Variants in PCDHGA12 observed in about 807,000 individuals in gnomAD.
PCDHGA12 encodes the protein protocadherin gamma subfamily A, 12.
A neutral mutation model predicts 61.1 loss-of-function variants in PCDHGA12; 43 were observed. The ratio of observed to expected loss-of-function variants is 0.70; its 90% confidence interval spans 0.55 to 0.91. The LOEUF is 0.91. Among genes scored for constraint, PCDHGA12 ranks in the 40% least tolerant of loss-of-function variants. The pLI, the probability that PCDHGA12 is intolerant of heterozygous loss-of-function variation, is 0.00. For missense variants in PCDHGA12, 1,236 were observed against 1,227.7 expected (o/e 1.01, Z -0.10); for synonymous variants, 520 against 542.9 (o/e 0.96, Z 0.59).
intron 1 of PCDHGA12, chr5:141,471,509 TA>T (rs1211467109): frequency 6.6e-6 from 1 of 152,008 alleles, no homozygotes; most frequent in Non-Finnish European, 1.5e-5. Context: ...AGAGAGGGAG[TA>T]AAAATAACAG....
intron 1 of PCDHGA12, among the ~76,000 whole-genome samples, chr5:141,459,098 A>G (rs993134478): frequency 2.0e-5 from 3 of 152,206 alleles, no homozygotes; most frequent in African/African-American, 7.2e-5. Flanking sequence ...ATACAGTGCA[A>G]TGCATTTTGA....
Position 141,432,916 on chromosome 5 carries a change from G to A in PCDHGA12, c.2157G>A (p.Trp719Ter), listed in dbSNP as rs1303459899. ...TGCTGGCGCTCAGGCTGCGGCGCTG[G>A]CACAAGTCACGCCTGCTGCAGGCTT... is the stretch of plus-strand genomic sequence containing the variant. Reference protein sequence around the residue: ...ILLLALRLRRWHKSRLLQASG... With the variant: ...ILLLALRLRR Residue 719 changes from tryptophan to a stop codon, truncating the protein, a stop_gained, in exon 1 of 4, where the codon TGG becomes TGA. Transcript: ENST00000252085. LOFTEE classifies it high-confidence loss of function. This position sits in a 1 kb window ranked among gnomAD's most constrained non-coding sequence, Gnocchi z 6.0. 1.2e-6 allele frequency: 2 copies of A among 1,614,078 alleles called. No individual in the cohort carries two copies. The highest frequency in any genetic ancestry group is 1.7e-6 in the Non-Finnish European group (2 of 1,180,048).
At chr5:141,463,518 G>C (rs537466389) in intron 1 of PCDHGA12, among the ~76,000 whole-genome samples, 1 of 139,068 alleles carries the variant, frequency 7.2e-6, no homozygotes, top group African/African-American at 2.8e-5. Context: ...GCGTGATCTC[G>C]GCTTACTAGA....
Position 141,477,310 on chromosome 5 carries a change from C to T in PCDHGA12, c.2425-17497C>T. On this transcript the variant is annotated intron_variant, in intron 1 of 3. Coordinates refer to ENST00000252085, the MANE Select transcript of PCDHGA12 (RefSeq NM_003735.3). This position sits in a 1 kb window ranked among gnomAD's most constrained non-coding sequence, Gnocchi z 4.9. ...AAGTTCCACCGGGTCTCCCTTTCAGCCTTACTTCTTCCCTCAAGAATTACT... is the reference window on the plus strand; with the variant it reads ...AAGTTCCACCGGGTCTCCCTTTCAGTCTTACTTCTTCCCTCAAGAATTACT... The T allele has an allele frequency of 6.2e-7, 1 of 1,614,154 alleles. No homozygotes were observed. Among genetic ancestry groups the T allele is most frequent in the Non-Finnish European group, 8.5e-7 (1 of 1,180,018 alleles).
At chr5:141,452,966 G>T (rs996204633) in intron 1 of PCDHGA12, among the ~76,000 whole-genome samples, 6 of 152,098 alleles carry the variant, frequency 3.9e-5, no homozygotes, top group Admixed American at 1.3e-4. Context: ...TAAACTGAGG[G>T]TATATTGTCA....
At position 141,485,662 on chromosome 5, in the gene PCDHGA12, G is replaced by T. The variant is rs778404230; in HGVS notation, c.2425-9145G>T. ...AAAAGGCTCAGGATGCAGATGTGGG[G>T]AGCAATTCGATTAGCAGCTATAGGC... On this transcript the variant is annotated intron_variant, in intron 1 of 3. Coordinates refer to ENST00000252085, the MANE Select transcript of PCDHGA12 (RefSeq NM_003735.3). This position sits in a 1 kb window ranked among gnomAD's most constrained non-coding sequence, Gnocchi z 5.7. The T allele has an allele frequency of 1.1e-5, 18 of 1,612,748 alleles. No individual in the cohort carries two copies. The South Asian group carries it at 1.9e-4, about 17-fold the overall frequency.
intron 1 of PCDHGA12, chr5:141,478,160 GC>G (rs764598056): frequency 1.9e-6 from 3 of 1,613,964 alleles, no homozygotes; most frequent in Non-Finnish European, 2.5e-6. Flanking sequence ...CTCTGGCTCT[GC>G]CCCCCGGGAG....
chr5:141,430,578 C>A lies in PCDHGA12; in HGVS notation c.-182C>A, dbSNP rs1561846151. 1.7e-5 allele frequency: 8 copies of A among 470,816 alleles called. No homozygotes were observed. Among genetic ancestry groups the A allele is most frequent in the East Asian group, 1.0e-4 (3 of 29,290 alleles). The allele number at this position is 470,816 out of a possible 1,614,324, so 29.2% of individuals were successfully genotyped here. On this transcript the variant is annotated 5_prime_UTR_variant, in exon 1 of 4. It adds an upstream start codon to the 5' untranslated region. Transcript: ENST00000252085. Reference sequence around the variant, plus strand: ...AATCGGGGAGAGAAAAGCGGAGATCCTGCTCGCCTTGCACGCGCCTGAAGC... The same window carrying A: ...AATCGGGGAGAGAAAAGCGGAGATCATGCTCGCCTTGCACGCGCCTGAAGC...
At chr5:141,500,026 T>G (rs1297397353) in intron 2 of PCDHGA12, among the ~76,000 whole-genome samples, 1 of 151,974 alleles carries the variant, frequency 6.6e-6, no homozygotes, top group Non-Finnish European at 1.5e-5. Flanking sequence ...TATATTTGAG[T>G]GAGTGTCTCT....
chr5:141,484,709 C>G (rs1223957454), intron 1 of PCDHGA12, among the ~76,000 whole-genome samples: 1 of 151,072 alleles, frequency 6.6e-6, no homozygotes, highest in Non-Finnish European at 1.5e-5. Context: ...TTTTCCCCGC[C>G]GAAAAGGGGC....
Position 141,486,862 on chromosome 5 carries a change from A to G in PCDHGA12, c.2425-7945A>G. The G allele has an allele frequency of 6.2e-7, 1 of 1,614,256 alleles. No individual in the cohort carries two copies. The highest frequency in any genetic ancestry group is 1.3e-5 in the African/African-American group (1 of 75,078). On this transcript the variant is annotated intron_variant, in intron 1 of 3. Transcript: ENST00000252085. This position sits in a 1 kb window ranked among gnomAD's most constrained non-coding sequence, Gnocchi z 5.0. Reference sequence around the variant, plus strand: ...TGCTGGACCTCAATGACAATGCTCCAGCTGTGCTCCGTCCTCGGGCCCGGC... The same window carrying G: ...TGCTGGACCTCAATGACAATGCTCCGGCTGTGCTCCGTCCTCGGGCCCGGC...
intron 1 of PCDHGA12, among the ~76,000 whole-genome samples, chr5:141,482,843 G>A (rs1005014887): frequency 7.1e-6 from 1 of 140,154 alleles, no homozygotes; most frequent in Non-Finnish European, 1.5e-5. Flanking sequence ...AGGCCAAGGT[G>A]GGCAGATCAC....
chr5:141,441,762 C>A (rs3805697), intron 1 of PCDHGA12: 10 of 374,012 alleles, frequency 2.7e-5, no homozygotes, highest in Non-Finnish European at 2.2e-5. Flanking sequence ...CGTGAGCCTG[C>A]GCGTGTTGGT....
chr5:141,435,290 A>G (rs2097756551), intron 1 of PCDHGA12, among the ~76,000 whole-genome samples: 1 of 152,158 alleles, frequency 6.6e-6, no homozygotes, highest in African/African-American at 2.4e-5. Context: ...ATCCCAAGTC[A>G]TTTCATGGTT....
chr5:141,460,142 G>A (rs932507660), intron 1 of PCDHGA12, among the ~76,000 whole-genome samples: 5 of 151,950 alleles, frequency 3.3e-5, no homozygotes, highest in African/African-American at 1.2e-4. Flanking sequence ...TATTCTTGAT[G>A]TGAGCTCTTT....
chr5:141,490,485 G>A lies in PCDHGA12; in HGVS notation c.2425-4322G>A. 3 of 1,614,202 alleles carry A rather than the reference G, an allele frequency of 1.9e-6. No individual in the cohort carries two copies. Among genetic ancestry groups the A allele is most frequent in the Middle Eastern group, 3.3e-4 (2 of 6,062 alleles). On this transcript the variant is annotated intron_variant, in intron 1 of 3. Coordinates refer to ENST00000252085, the MANE Select transcript of PCDHGA12 (RefSeq NM_003735.3). This position sits in a 1 kb window ranked among gnomAD's most constrained non-coding sequence, Gnocchi z 5.4. ...TAACCAGCCAGCCTTTGGACCGGGA[G>A]GCCACATCCCACTATATCATCGAGC... is the stretch of plus-strand genomic sequence containing the variant.
rs776718024 is a variant in PCDHGA12 at position 141,486,333 on chromosome 5, T to C, written c.2425-8474T>C. 8.1e-6 allele frequency: 13 copies of C among 1,614,080 alleles called. No individual in the cohort carries two copies. Among genetic ancestry groups the C allele is most frequent in the Non-Finnish European group, 1.1e-5 (13 of 1,179,998 alleles). On this transcript the variant is annotated intron_variant, in intron 1 of 3. Coordinates refer to ENST00000252085, the MANE Select transcript of PCDHGA12 (RefSeq NM_003735.3). The surrounding 1 kb of genome is among the most constrained non-coding windows in gnomAD (Gnocchi z 5.0). ...TCAGGGTCAAACGGAGATGTGAGCC[T>C]CCGCATTCCTGACCACTTGCCATTT...
intron 1 of PCDHGA12, among the ~76,000 whole-genome samples, chr5:141,467,055 C>CTTTTTTTTTTTTTTTTTTT (rs1193465269): frequency 7.4e-6 from 1 of 134,498 alleles, no homozygotes; most frequent in Non-Finnish European, 1.6e-5. Context: ...TCAATGTTTT[C>CTTTTTTTTTTTTTTTTTTT]TTTTTTTTTT....
chr5:141,498,002 C>T (rs1442305270), intron 2 of PCDHGA12, among the ~76,000 whole-genome samples: 2 of 152,178 alleles, frequency 1.3e-5, no homozygotes, highest in East Asian at 1.9e-4. Flanking sequence ...AAGGAGTTTA[C>T]AGTGCACTGA....
Sources: gnomAD v4.1 joint callset for allele counts (sites outside exome capture counted in the v4.1 genomes callset) on GRCh38, gnomAD v4.1.1 for gene constraint, Gnocchi (gnomAD v3.1) non-coding constraint, MANE v1.5 for transcripts, NCBI Gene and HGNC (gene_info 2026-07-23, HGNC 2026-07-21) for gene names.